GATB: variants seen among roughly 807,000 people sequenced by gnomAD.
GATB encodes glutamyl-tRNA amidotransferase subunit B.
In GATB, 39 loss-of-function variants were observed where a neutral mutation model predicts 62.3. The observed-to-expected ratio is 0.63, with a 90% CI of 0.48 to 0.82. The LOEUF is 0.82. Ranked by LOEUF, GATB falls within the 40% of genes least tolerant of loss-of-function variation. The probability of loss-of-function intolerance (pLI) is 0.00; values close to 1 mark genes in which losing one functional copy is unlikely to be tolerated. For synonymous variants in GATB, 276 were observed against 258.9 expected, an observed-to-expected ratio of 1.07 and a Z score of -0.63; for missense variants, 670 against 684.0, an observed-to-expected ratio of 0.98 and a Z score of 0.23.
At chr4:151,740,652 C>T (rs371100608) in intron 2 of GATB, among the ~76,000 whole-genome samples, 2 of 152,216 alleles carry the variant, frequency 1.3e-5, no homozygotes, top group East Asian at 3.8e-4. Flanking sequence ...CGCAGCATCA[C>T]CGATGATGCC....
intron 2 of GATB, among the ~76,000 whole-genome samples, chr4:151,757,403 G>A (rs760846230): frequency 1.3e-5 from 2 of 151,920 alleles, no homozygotes; most frequent in Non-Finnish European, 2.9e-5. Flanking sequence ...CTTCCACTTT[G>A]GTCAGTGACT....
chr4:151,760,211 G>T (rs1234873473), intron 1 of GATB, among the ~76,000 whole-genome samples: 1 of 152,178 alleles, frequency 6.6e-6, no homozygotes, highest in Non-Finnish European at 1.5e-5. Context: ...CTTACATAAT[G>T]AAGCATAAAC....
chr4:151,745,174 TA>T (rs371037955), intron 2 of GATB, among the ~76,000 whole-genome samples: 24 of 152,254 alleles, frequency 1.6e-4, no homozygotes, highest in African/African-American at 5.8e-4. Flanking sequence ...CTTAAATAGC[TA>T]AACATCATCT....
intron 2 of GATB, among the ~76,000 whole-genome samples, chr4:151,738,352 G>A (rs1027027534): frequency 9.9e-5 from 15 of 152,150 alleles, no homozygotes; most frequent in African/African-American, 2.9e-4. Context: ...CCATTCTCGC[G>A]ATAGTGAGTA....
At chr4:151,744,574 G>C (rs1339194977) in intron 2 of GATB, among the ~76,000 whole-genome samples, 1 of 151,954 alleles carries the variant, frequency 6.6e-6, no homozygotes, top group African/African-American at 2.4e-5. Flanking sequence ...ACATGGTGGG[G>C]CCCTGTCTCT....
At chr4:151,734,351 A>C (rs1192071901) in intron 2 of GATB, among the ~76,000 whole-genome samples, 2 of 45,552 alleles carry the variant, frequency 4.4e-5, no homozygotes, top group Non-Finnish European at 8.1e-5. Flanking sequence ...AATAGCTGCC[A>C]AAAAAAAAAA....
chr4:151,726,814 T>A (rs1236358104), intron 2 of GATB, among the ~76,000 whole-genome samples: 1 of 152,184 alleles, frequency 6.6e-6, no homozygotes, highest in Non-Finnish European at 1.5e-5. Context: ...TCATCTGGGA[T>A]TCCATCCTCT....
intron 9 of GATB, among the ~76,000 whole-genome samples, chr4:151,690,150 A>T (rs1452194059): frequency 6.6e-6 from 1 of 152,256 alleles, no homozygotes; most frequent in Non-Finnish European, 1.5e-5. Flanking sequence ...GGAAAGAAGC[A>T]AGATATACTA....
At chr4:151,704,317 A>G (rs1738667369) in intron 7 of GATB, among the ~76,000 whole-genome samples, 1 of 152,218 alleles carries the variant, frequency 6.6e-6, no homozygotes, top group African/African-American at 2.4e-5. Flanking sequence ...AGGAAGTAAA[A>G]ATTCTTGCCA....
chr4:151,705,200 A>G lies in GATB; in HGVS notation c.947T>C (p.Phe316Ser), dbSNP rs1380684946. The G allele has an allele frequency of 1.2e-6, 2 of 1,612,816 alleles. No individual in the cohort carries two copies. The highest frequency in any genetic ancestry group is 1.7e-5 in the Admixed American group (1 of 60,004). Residue 316 changes from phenylalanine (F) to serine (S), a missense_variant, in exon 7 of 13, where the codon TTT becomes TCT. Coordinates refer to ENST00000263985, the MANE Select transcript of GATB (RefSeq NM_004564.3). Reference sequence around the variant, plus strand: ...GCGAACTCACCCCAGCTTGTGATGAAATGAGCGTGTTTCGTTCAGAATTTC... The same window carrying G: ...GCGAACTCACCCCAGCTTGTGATGAGATGAGCGTGTTTCGTTCAGAATTTC... ...GGEILNETRS[F>S]HHKLGCTMSM... is the part of the protein sequence containing the mutation.
chr4:151,752,990 T>C (rs1329579393), intron 2 of GATB, among the ~76,000 whole-genome samples: 1 of 152,144 alleles, frequency 6.6e-6, no homozygotes, highest in Non-Finnish European at 1.5e-5. Flanking sequence ...TTCTTCCCAC[T>C]AGGGTCACAC....
rs747196069 is a variant in GATB at position 151,716,509 on chromosome 4, A to G, written c.640+367T>C. Among the ~76,000 whole-genome samples the G allele has an allele frequency of 2.7e-4, 41 of 152,250 alleles. No individual in the cohort carries two copies. The Middle Eastern group carries it at 0.01, about 38-fold the overall frequency. On this transcript the variant is annotated intron_variant, in intron 4 of 12. Transcript: ENST00000263985. Reference sequence around the variant, plus strand: ...CAGCCTGATCTCAAACTCTGCGTACAGTGATCCTCCCACAGCCTCCTGAGT... The same window carrying G: ...CAGCCTGATCTCAAACTCTGCGTACGGTGATCCTCCCACAGCCTCCTGAGT...
chr4:151,716,227 A>C, intron 4 of GATB, 96 bp from the exon 5 acceptor site: 2 of 1,397,120 alleles, frequency 1.4e-6, no homozygotes, highest in East Asian at 5.0e-5. Context: ...GCCTTACTGA[A>C]GGACTCTCAG....
chr4:151,672,949 C>T lies in GATB; in HGVS notation c.1411-53G>A, dbSNP rs1434518563. The T allele has an allele frequency of 2.5e-6, 4 of 1,601,166 alleles. No individual in the cohort carries two copies. The African/African-American group carries it at 4.0e-5, about 16-fold the overall frequency. On this transcript the variant is annotated intron_variant, in intron 11 of 12. Coordinates refer to ENST00000263985, the MANE Select transcript of GATB (RefSeq NM_004564.3). Reference sequence around the variant, plus strand: ...AGAAATGAGAAGTCAGCTCTTCTGCCAGCTCCATTTGCAGTGCTGTGCTGT... The same window carrying T: ...AGAAATGAGAAGTCAGCTCTTCTGCTAGCTCCATTTGCAGTGCTGTGCTGT...
In GATB at chr4:151,701,430, T is replaced by C. The variant is rs928006135; in HGVS notation, c.1096A>G (p.Ile366Val). The C allele has an allele frequency of 3.7e-6, 6 of 1,605,018 alleles. No individual in the cohort carries two copies. The highest frequency in any genetic ancestry group is 1.1e-5 in the South Asian group (1 of 89,296). Residue 366 changes from isoleucine to valine, a missense_variant, in exon 9 of 13, where the codon ATT becomes GTT. Transcript: ENST00000263985. ...GGGAGTGTCTCCCGAATCTGGTCAATATTGATCACTTGCTGTGGGTCTGCA... is the reference window on the plus strand; with the variant it reads ...GGGAGTGTCTCCCGAATCTGGTCAACATTGATCACTTGCTGTGGGTCTGCA... The part of the protein sequence containing the change: ...AGADPQQVIN[I>V]DQIRETLPEL...
chr4:151,672,963 G>A (rs1737907238), intron 11 of GATB, 67 bp from the exon 12 acceptor site: 1 of 1,572,606 alleles, frequency 6.4e-7, no homozygotes, highest in African/African-American at 1.3e-5. Flanking sequence ...TCCATTTGCA[G>A]TGCTGTGCTG....
At chr4:151,740,332 C>T (rs2126992397) in intron 2 of GATB, among the ~76,000 whole-genome samples, 1 of 152,290 alleles carries the variant, frequency 6.6e-6, no homozygotes, top group South Asian at 2.1e-4. Context: ...CTCATACAAA[C>T]CTGGATGGGA....
intron 6 of GATB, among the ~76,000 whole-genome samples, chr4:151,706,807 G>A (rs17027818): frequency 0.15 from 22,504 of 152,094 alleles, 2,017 homozygotes; most frequent in African/African-American, 0.25. Flanking sequence ...GCAAAACTTT[G>A]GCAACAGATT....
At chr4:151,699,687 G>A (rs1336990705) in intron 9 of GATB, among the ~76,000 whole-genome samples, 1 of 152,080 alleles carries the variant, frequency 6.6e-6, no homozygotes, top group East Asian at 1.9e-4. Flanking sequence ...CTCTGAAGGG[G>A]GCACAGATTC....
Sources: gnomAD v4.1 joint callset for allele counts (sites outside exome capture counted in the v4.1 genomes callset) on GRCh38, gnomAD v4.1.1 for gene constraint, MANE v1.5 for transcripts, NCBI Gene and HGNC (gene_info 2026-07-23, HGNC 2026-07-21) for gene names.